The following TUT7 variants were observed in gnomAD, a reference collection of about 807,000 sequenced individuals.
TUT7 encodes the protein terminal uridylyltransferase 7.
A neutral mutation model predicts 165.9 loss-of-function variants in TUT7; 33 were observed. That is an observed-to-expected ratio of 0.20 (90% CI 0.15 to 0.27). TUT7 has a LOEUF of 0.27. Ranked by LOEUF, TUT7 falls within the 10% of genes least tolerant of loss-of-function variation. The probability of loss-of-function intolerance (pLI) is 1.00; values close to 1 mark genes in which losing one functional copy is unlikely to be tolerated. For missense variants in TUT7, 1,338 were observed against 1,762.3 expected, an observed-to-expected ratio of 0.76 and a Z score of 4.31; for synonymous variants, 552 against 608.1, an observed-to-expected ratio of 0.91 and a Z score of 1.36.
chr9:86,335,866 T>C (rs986351534), intron 10 of TUT7, among the ~76,000 whole-genome samples: 3 of 152,202 alleles, frequency 2.0e-5, no homozygotes, highest in Non-Finnish European at 4.4e-5. Flanking sequence ...ACTGCATACC[T>C]GCTTTTGTCA....
At chr9:86,327,927 C>T (rs1437263632) in intron 11 of TUT7, among the ~76,000 whole-genome samples, 2 of 152,126 alleles carry the variant, frequency 1.3e-5, no homozygotes, top group African/African-American at 2.4e-5. Context: ...CTATTCTTTC[C>T]TTGTGCATAA....
intron 26 of TUT7, among the ~76,000 whole-genome samples, chr9:86,297,959 T>G (rs1826506234): frequency 7.0e-6 from 1 of 142,064 alleles, no homozygotes; most frequent in Non-Finnish European, 1.5e-5. Flanking sequence ...TCTCTCGAGT[T>G]TCCAATCCTG....
chr9:86,308,136 C>A (rs7872520), intron 22 of TUT7, among the ~76,000 whole-genome samples: 4,601 of 152,234 alleles, frequency 0.03, 204 homozygotes, highest in African/African-American at 0.09. Context: ...TTCAAACCCC[C>A]CAACAGGAAG....
intron 26 of TUT7, among the ~76,000 whole-genome samples, chr9:86,297,058 T>C (rs1371644897): frequency 6.6e-6 from 1 of 152,206 alleles, no homozygotes; most frequent in Non-Finnish European, 1.5e-5. Context: ...TTTTTTCCAG[T>C]TGCTCAAAAG....
rs931556377 is a variant in TUT7, at chr9:86,353,090, T to C, written c.110A>G (p.Asp37Gly). 1.2e-6 allele frequency: 2 copies of C among 1,613,962 alleles called. No individual in the cohort carries two copies. Among genetic ancestry groups the C allele is most frequent in the Non-Finnish European group, 1.7e-6 (2 of 1,180,026 alleles). The change falls in exon 2 of 27, where the codon GAT becomes GGT. Residue 37 changes from aspartate (D) to glycine (G), a missense_variant. Around this residue, in one of 7 missense-constraint regions of TUT7, gnomAD observed 434 missense variants for 480.8 expected, o/e 0.90. Transcript: ENST00000375963. ...ACTGCCATGGCCTTTAGCATGGTCA[T>C]CTATTATTAAATAATCTTGTTGGGG... ...GHPQQDYLII[D>G]DHAKGHGSKM...
rs1265432712 is a variant in TUT7 at position 86,353,022 on chromosome 9, T to A, written c.178A>T (p.Asn60Tyr). 1 of 1,614,206 alleles carries A rather than the reference T, an allele frequency of 6.2e-7. No individual in the cohort carries two copies. Among genetic ancestry groups the A allele is most frequent in the South Asian group, 1.1e-5 (1 of 91,084 alleles). ...GLQKKKITPG[N>Y]YGNTPRKGPC... is the part of the protein sequence containing the mutation. ...CCTTTTCTGGGGGTATTCCCATAGT[T>A]CCCTGGTGTTATCTTCTTTTTTTGA... is the stretch of plus-strand genomic sequence containing the variant. The change falls in exon 2 of 27, where the codon AAC (asparagine) becomes TAC (tyrosine). Residue 60 changes from asparagine to tyrosine, a missense_variant. Physicochemically the swap from Asn to Tyr is moderately radical, Grantham distance 143. Transcript: ENST00000375963.
intron 26 of TUT7, among the ~76,000 whole-genome samples, chr9:86,299,671 C>G (rs1826700015): frequency 6.6e-6 from 1 of 152,194 alleles, no homozygotes; most frequent in South Asian, 2.1e-4. Flanking sequence ...TGAGTTGCTG[C>G]TGTCCCCACA....
intron 12 of TUT7, chr9:86,324,719 CTT>C (rs745699273): frequency 6.6e-6 from 1 of 152,178 alleles, no homozygotes; most frequent in Non-Finnish European, 1.5e-5. Context: ...AACCTCCTGA[CTT>C]TGCAAAGCTG....
chr9:86,339,745 C>T (rs1251120575), intron 8 of TUT7, among the ~76,000 whole-genome samples: 1 of 152,200 alleles, frequency 6.6e-6, no homozygotes, highest in Non-Finnish European at 1.5e-5. Context: ...TGGCAAAATA[C>T]AGGTGATTAC....
At chr9:86,308,407 T>TC in intron 22 of TUT7, 22 bp downstream of exon 22, 1 of 1,601,822 alleles carries the variant, frequency 6.2e-7, no homozygotes, top group Non-Finnish European at 8.5e-7. Flanking sequence ...CTATTCGACT[T>TC]CAAGTTTAAT....
At chr9:86,349,271 C>T (rs1239289022) in intron 2 of TUT7, among the ~76,000 whole-genome samples, 1 of 150,914 alleles carries the variant, frequency 6.6e-6, no homozygotes, top group Admixed American at 6.6e-5. Flanking sequence ...AAGAGTGAAA[C>T]TCCATCTCAA....
intron 2 of TUT7, 91 bp from the exon 3 acceptor site, chr9:86,346,571 G>T: frequency 7.8e-7 from 1 of 1,289,900 alleles, no homozygotes; most frequent in Non-Finnish European, 1.1e-6. Context: ...AATCATGTGA[G>T]AGAATAAATC....
In TUT7 at chr9:86,352,804, G is replaced by A. The variant is rs1832413139; in HGVS notation, c.396C>T (p.Ser132=). The A allele has an allele frequency of 9.9e-6, 16 of 1,614,122 alleles. No individual in the cohort carries two copies. Among genetic ancestry groups the A allele is most frequent in the African/African-American group, 1.3e-5 (1 of 75,026 alleles). ...TATAACCATCTTCATTTTCTTGAAA[G>A]GAGTCTTTTCTTTGTCGGTTTATAA... ...IPVINRQRKD[S]FQENEDGYRW... is the part of the protein sequence containing the mutation. Residue 132 remains serine, a synonymous_variant, in exon 2 of 27, where the codon TCC becomes TCT. Coordinates refer to ENST00000375963, the MANE Select transcript of TUT7 (RefSeq NM_024617.4).
Position 86,288,654 on chromosome 9 carries a change from T to C in TUT7, c.*23A>G. The C allele has an allele frequency of 2.5e-6, 4 of 1,608,018 alleles. No homozygotes were observed. The highest frequency in any genetic ancestry group is 3.4e-6 in the Non-Finnish European group (4 of 1,174,736). The stretch of plus-strand genomic sequence containing the variant: ...GAATAGGAACGCCTGAGTGGCCATT[T>C]AGAGTGCTGCATTTTCCTTCCCTCA... On this transcript the variant is annotated 3_prime_UTR_variant, in exon 27 of 27. Transcript: ENST00000375963.
Position 86,346,308 on chromosome 9 carries a change from C to A in TUT7, c.693G>T (p.Arg231Ser). The A allele has an allele frequency of 6.2e-7, 1 of 1,610,970 alleles. No homozygotes were observed. ...TATATAAGGATGTTACCCTTTTTAG[C>A]CTGTCAATGCAGTCTCTCTTCAGTC... ...EERLKRDCID[R>S]LKRRPRNYPT... is the part of the protein sequence containing the mutation. Residue 231 changes from arginine to serine, a missense_variant, in exon 3 of 27, where the codon AGG (arginine) becomes AGT (serine). This residue lies in a region of TUT7 where 434 missense variants were observed against 480.8 expected (regional missense o/e 0.90). Transcript: ENST00000375963.
chr9:86,353,314 T>C lies in TUT7; in HGVS notation c.-31-84A>G, dbSNP rs911949231. ...ACAAAATAACAATTTATCGTACAGA[T>C]GCCCCAAAGCCTGTAAGAAAGAAAC... On this transcript the variant is annotated intron_variant, in intron 1 of 26. Transcript: ENST00000375963. 16 of 1,148,778 alleles carry C rather than the reference T, an allele frequency of 1.4e-5. No individual in the cohort carries two copies. The Admixed American group carries it at 2.9e-4, about 21-fold the overall frequency. The allele number at this position is 1,148,778 out of a possible 1,614,324, so 71.2% of individuals were successfully genotyped here.
At chr9:86,313,857 T>C (rs1828459764) in intron 17 of TUT7, among the ~76,000 whole-genome samples, 3 of 152,064 alleles carry the variant, frequency 2.0e-5, no homozygotes, top group South Asian at 4.1e-4. Context: ...AAAAAGCAGA[T>C]ACATAGTGAT....
At chr9:86,312,488 T>TG (rs1433946328) in intron 17 of TUT7, among the ~76,000 whole-genome samples, 24 of 144,874 alleles carry the variant, frequency 1.7e-4, no homozygotes, top group East Asian at 2.1e-4. Flanking sequence ...GGGAGGGAGG[T>TG]GGGGGGGTCA....
chr9:86,311,582 C>CCCCTTTT lies in TUT7; in HGVS notation c.3275-774_3275-773insAAAAGGG, dbSNP rs1286330910. ...TCCTTAGTCCTCTCCCTCTCCCTCT[C>CCCCTTTT]CCCTCTTCCCTCTCCCCTCTCCCCA... On this transcript the variant is annotated intron_variant, in intron 17 of 26. Coordinates refer to ENST00000375963, the MANE Select transcript of TUT7 (RefSeq NM_024617.4). This position sits in a 1 kb window ranked among gnomAD's most constrained non-coding sequence, Gnocchi z 4.4. Among the ~76,000 whole-genome samples, 3 of 96,972 alleles carry CCCCTTTT rather than the reference C, an allele frequency of 3.1e-5. No individual in the cohort carries two copies. Among genetic ancestry groups the CCCCTTTT allele is most frequent in the Non-Finnish European group, 6.7e-5 (3 of 44,548 alleles). The allele number at this position is 96,972 out of a possible 152,430, so 63.6% of individuals were successfully genotyped here.
Sources: gnomAD v4.1 joint callset for allele counts (sites outside exome capture counted in the v4.1 genomes callset) on GRCh38, gnomAD v4.1.1 for gene constraint, gnomAD v4.1.1 regional missense constraint, Gnocchi (gnomAD v3.1) non-coding constraint, MANE v1.5 for transcripts, NCBI Gene and HGNC (gene_info 2026-07-23, HGNC 2026-07-21) for gene names.